The following USH2A variants were observed in gnomAD, a reference collection of about 807,000 sequenced individuals.
USH2A encodes the protein usherin.
Under a neutral mutation model 538.9 loss-of-function variants are expected in USH2A, and 443 were observed. That is an observed-to-expected ratio of 0.82 (90% CI 0.76 to 0.89). The LOEUF is 0.89. Ranked by LOEUF, USH2A falls within the 40% of genes least tolerant of loss-of-function variation. The probability of loss-of-function intolerance (pLI) is 0.00; values close to 1 mark genes in which losing one functional copy is unlikely to be tolerated. For synonymous variants in USH2A, 2,413 were observed against 2,273.5 expected (o/e 1.06, Z -1.75); for missense variants, 6,633 against 6,324.8 (o/e 1.05, Z -1.65).
At chr1:215,925,554 C>T (rs774274953) in intron 38 of USH2A, among the ~76,000 whole-genome samples, 1 of 152,074 alleles carries the variant, frequency 6.6e-6, no homozygotes, top group Non-Finnish European at 1.5e-5. Flanking sequence ...AGAATGTTGT[C>T]GTTTTAAAGA....
At chr1:216,346,857 G>C (rs1466152998) in intron 4 of USH2A, among the ~76,000 whole-genome samples, 1 of 151,858 alleles carries the variant, frequency 6.6e-6, no homozygotes, top group African/African-American at 2.4e-5. Flanking sequence ...ATCTTTTTCT[G>C]TCTGTGTATT....
chr1:216,417,692 T>C (rs2039600657), intron 3 of USH2A, among the ~76,000 whole-genome samples: 1 of 152,100 alleles, frequency 6.6e-6, no homozygotes, highest in South Asian at 2.1e-4. Flanking sequence ...TTGTAAGTTT[T>C]CTAAGGTCTC....
intron 38 of USH2A, among the ~76,000 whole-genome samples, chr1:215,904,873 A>T (rs1665593727): frequency 6.6e-6 from 1 of 152,144 alleles, no homozygotes; most frequent in Non-Finnish European, 1.5e-5. Flanking sequence ...GCAATAAATT[A>T]AATCACAGAT....
At position 215,801,649 on chromosome 1, in the gene USH2A, C is replaced by A. The variant is rs542294536; in HGVS notation, c.9740-2524G>T. 2.0e-5 allele frequency among the ~76,000 whole-genome samples: 3 copies of A among 152,174 alleles called. No individual in the cohort carries two copies. The South Asian group carries it at 6.2e-4, about 32-fold the overall frequency. Reference sequence around the variant, plus strand: ...TAAAGAAGATAACCAAATGGAAGAACATCCCATGTTTATGGACTGGGAGCC... The same window carrying A: ...TAAAGAAGATAACCAAATGGAAGAAAATCCCATGTTTATGGACTGGGAGCC... On this transcript the variant is annotated intron_variant, in intron 49 of 71. Transcript: ENST00000307340.
intron 37 of USH2A, among the ~76,000 whole-genome samples, chr1:215,938,905 C>G (rs952367858): frequency 1.6e-4 from 25 of 152,080 alleles, no homozygotes; most frequent in African/African-American, 5.8e-4. Flanking sequence ...CTGAATTCTA[C>G]GCCAGGCCTA....
rs1452576442 is a variant in USH2A, at chr1:215,867,189, A to T, written c.8682-19T>A. The stretch of plus-strand genomic sequence containing the variant: ...TGTAAACCTAAAATGTTGTTTTGTT[A>T]AAAAAAGTATATGAATTTCTACTTT... On this transcript the variant is annotated intron_variant, in intron 43 of 71. Coordinates refer to ENST00000307340, the MANE Select transcript of USH2A (RefSeq NM_206933.4). 1 of 1,611,448 alleles carries T rather than the reference A, an allele frequency of 6.2e-7. No homozygotes were observed. The highest frequency in any genetic ancestry group is 1.3e-5 in the African/African-American group (1 of 74,870).
intron 61 of USH2A, among the ~76,000 whole-genome samples, chr1:215,692,606 T>C (rs1658654534): frequency 6.6e-6 from 1 of 152,134 alleles, no homozygotes; most frequent in Non-Finnish European, 1.5e-5. Flanking sequence ...AGCAGTATTT[T>C]ATACCCACAG....
intron 34 of USH2A, among the ~76,000 whole-genome samples, chr1:215,993,732 A>G (rs578030593): frequency 2.6e-5 from 4 of 152,240 alleles, no homozygotes; most frequent in Admixed American, 6.5e-5. Flanking sequence ...AACAACAAAT[A>G]CAAAGCAATT....
chr1:216,116,909 T>A (rs2033021939), intron 21 of USH2A, among the ~76,000 whole-genome samples: 1 of 152,118 alleles, frequency 6.6e-6, no homozygotes, highest in Admixed American at 6.6e-5. Flanking sequence ...CACATCTAAT[T>A]TTGAGTGTGC....
intron 47 of USH2A, among the ~76,000 whole-genome samples, chr1:215,820,693 G>A (rs557320657): frequency 6.6e-6 from 1 of 151,590 alleles, no homozygotes; most frequent in African/African-American, 2.4e-5. Flanking sequence ...TCTCTTCATT[G>A]AAACTGTAAA....
rs539030669 is a variant in USH2A at position 216,268,002 on chromosome 1, G to A, written c.1972-16904C>T. 4.6e-5 allele frequency among the ~76,000 whole-genome samples: 7 copies of A among 152,166 alleles called. 1 individual carries two copies. Among genetic ancestry groups the A allele is most frequent in the Admixed American group, 4.6e-4 (7 of 15,254 alleles). On this transcript the variant is annotated intron_variant, in intron 11 of 71. Coordinates refer to ENST00000307340, the MANE Select transcript of USH2A (RefSeq NM_206933.4). ...TACGATATTGCAGGCAGACTGCTAT[G>A]ATGTTTTATACATGTTTTCGTATTT...
chr1:215,752,935 A>G lies in USH2A; in HGVS notation c.11389+5660T>C, dbSNP rs561267762. Among the ~76,000 whole-genome samples, 342 of 152,342 alleles carry G rather than the reference A, an allele frequency of 2.2e-3. 2 individuals are homozygous for G. The highest frequency in any genetic ancestry group is 4.1e-3 in the Non-Finnish European group (278 of 68,028). Reference sequence around the variant, plus strand: ...ATCTGACAAAGGGCTAATATCTAGAATCTACAATGAACTCAAACAAATTTA... The same window carrying G: ...ATCTGACAAAGGGCTAATATCTAGAGTCTACAATGAACTCAAACAAATTTA... On this transcript the variant is annotated intron_variant, in intron 58 of 71. Transcript: ENST00000307340.
chr1:216,289,172 G>A, intron 11 of USH2A, 108 bp downstream of exon 11: 1 of 1,518,772 alleles, frequency 6.6e-7, no homozygotes, highest in Non-Finnish European at 9.1e-7. Context: ...AATGCACATA[G>A]AGGATTTCCT....
intron 62 of USH2A, among the ~76,000 whole-genome samples, chr1:215,676,566 G>T (rs528418342): frequency 6.6e-6 from 1 of 152,238 alleles, no homozygotes; most frequent in Non-Finnish European, 1.5e-5. Flanking sequence ...TGGTTCTTGG[G>T]CAAGCTTAAT....
chr1:215,737,731 C>G (rs1008182908), intron 60 of USH2A, among the ~76,000 whole-genome samples: 5 of 151,908 alleles, frequency 3.3e-5, no homozygotes, highest in Non-Finnish European at 7.4e-5. Context: ...TCTTTCCACC[C>G]AATACAAATT....
intron 21 of USH2A, among the ~76,000 whole-genome samples, chr1:216,147,620 A>G (rs2033737647): frequency 6.6e-6 from 1 of 151,362 alleles, no homozygotes; most frequent in South Asian, 2.1e-4. Flanking sequence ...AACTCCAAAA[A>G]TTAAATTCCA....
At chr1:216,401,282 C>CA (rs1452201005) in intron 3 of USH2A, among the ~76,000 whole-genome samples, 1 of 151,924 alleles carries the variant, frequency 6.6e-6, no homozygotes, top group African/African-American at 2.4e-5. Context: ...AAACACTATA[C>CA]AAAAAAGATA....
At chr1:215,702,303 T>C (rs182886650) in intron 61 of USH2A, among the ~76,000 whole-genome samples, 536 of 152,274 alleles carry the variant, frequency 3.5e-3, no homozygotes, top group Non-Finnish European at 5.9e-3. Flanking sequence ...TGTCTTGGGG[T>C]TGCTCTTCTT....
chr1:216,109,069 C>T lies in USH2A; in HGVS notation c.4628-11856G>A, dbSNP rs141613290. ...TGGATCTTATCCTCATTTGAGCTAG[C>T]GGGGGACTTGGCTGGGACTATAAAT... On this transcript the variant is annotated intron_variant, in intron 21 of 71. Transcript: ENST00000307340. Among the ~76,000 whole-genome samples the T allele has an allele frequency of 2.2e-4, 34 of 152,104 alleles. No individual in the cohort carries two copies. In the East Asian group the frequency reaches 2.3e-3, roughly 10 times the overall value.
Sources: allele counts gnomAD v4.1 joint callset (sites outside exome capture counted in the v4.1 genomes callset), GRCh38; gene constraint gnomAD v4.1.1; transcripts MANE v1.5; gene names NCBI Gene and HGNC (gene_info 2026-07-23, HGNC 2026-07-21).